Variants in RNF157 observed in about 807,000 individuals in gnomAD.
RNF157 encodes the protein E3 ubiquitin ligase RNF157.
Under a neutral mutation model 88.3 loss-of-function variants are expected in RNF157, and 55 were observed. The observed-to-expected ratio is 0.62, with a 90% CI of 0.50 to 0.78. RNF157 has a LOEUF of 0.78. Ranked by LOEUF, RNF157 falls within the 30% of genes least tolerant of loss-of-function variation. The pLI is 0.00. For missense variants in RNF157, 788 were observed against 860.8 expected (o/e 0.92, Z 1.06); for synonymous variants, 334 against 341.2 (o/e 0.98, Z 0.23).
chr17:76,163,682 T>G (rs9893558), intron 8 of RNF157: 45,938 of 152,048 alleles, frequency 0.3, 8,071 homozygotes, highest in African/African-American at 0.49. Flanking sequence ...CCACTCTCCG[T>G]TTTAACAGTC....
chr17:76,234,297 A>C (rs1337930919), intron 1 of RNF157, among the ~76,000 whole-genome samples: 1 of 152,220 alleles, frequency 6.6e-6, no homozygotes, highest in Non-Finnish European at 1.5e-5. Flanking sequence ...CGGTTGATGA[A>C]CATTTGGGTT....
At chr17:76,182,608 C>G (rs767524347) in intron 2 of RNF157, among the ~76,000 whole-genome samples, 3 of 151,322 alleles carry the variant, frequency 2.0e-5, no homozygotes, top group Non-Finnish European at 4.4e-5. Context: ...ACATCTTACT[C>G]TGTGTGTAAA....
chr17:76,156,369 A>G (rs2068764530), intron 13 of RNF157, 48 bp from the exon 14 acceptor site: 1 of 1,612,304 alleles, frequency 6.2e-7, no homozygotes, highest in African/African-American at 1.3e-5. Flanking sequence ...AGCGCCAGTC[A>G]CCTGTGCTGG....
At chr17:76,228,625 A>C (rs905838318) in intron 1 of RNF157, among the ~76,000 whole-genome samples, 9 of 152,174 alleles carry the variant, frequency 5.9e-5, no homozygotes, top group Non-Finnish European at 8.8e-5. Flanking sequence ...GCCATGTCTT[A>C]CTAACCAGTC....
Position 76,190,748 on chromosome 17 carries a change from A to C in RNF157, c.208-16958T>G, listed in dbSNP as rs372260610. Among the ~76,000 whole-genome samples, 360 of 152,052 alleles carry C rather than the reference A, an allele frequency of 2.4e-3. 3 individuals carry two copies. Among genetic ancestry groups the C allele is most frequent in the South Asian group, 3.7e-3 (18 of 4,810 alleles). ...CGATGAAACCCCGTCTCTACTAAAA[A>C]CACAAAAAATTAGCCGGGCATGGTG... is the stretch of plus-strand genomic sequence containing the variant. On this transcript the variant is annotated intron_variant, in intron 2 of 18. Coordinates refer to ENST00000269391, the MANE Select transcript of RNF157 (RefSeq NM_052916.3).
chr17:76,158,811 G>C (rs915903752), intron 12 of RNF157, among the ~76,000 whole-genome samples: 11 of 152,060 alleles, frequency 7.2e-5, no homozygotes, highest in Non-Finnish European at 1.3e-4. Context: ...ACCTCTTTTG[G>C]GTGTCAGAAG....
At chr17:76,151,620 C>T (rs997203855) in intron 18 of RNF157, among the ~76,000 whole-genome samples, 1 of 152,168 alleles carries the variant, frequency 6.6e-6, no homozygotes, top group South Asian at 2.1e-4. Flanking sequence ...GTTTTTGGAG[C>T]CCTTGAACGG....
chr17:76,188,062 G>A (rs1320636497), intron 2 of RNF157, among the ~76,000 whole-genome samples: 1 of 152,178 alleles, frequency 6.6e-6, no homozygotes, highest in East Asian at 1.9e-4. Context: ...CCCCCCAATA[G>A]CAGTGGGCAG....
chr17:76,228,507 G>A (rs2070133237), intron 1 of RNF157, among the ~76,000 whole-genome samples: 1 of 152,096 alleles, frequency 6.6e-6, no homozygotes, highest in Non-Finnish European at 1.5e-5. Flanking sequence ...CATCCTTCTT[G>A]TTTAACACTT....
At chr17:76,150,912 C>T (rs775264363) in intron 18 of RNF157, among the ~76,000 whole-genome samples, 22 of 152,300 alleles carry the variant, frequency 1.4e-4, no homozygotes, top group South Asian at 2.1e-4. Flanking sequence ...GGAGTGAACA[C>T]GAACTTTCAT....
At chr17:76,210,315 C>A (rs1021605331) in intron 2 of RNF157, among the ~76,000 whole-genome samples, 1 of 151,980 alleles carries the variant, frequency 6.6e-6, no homozygotes. Context: ...GAGAACCCGC[C>A]GGGCGCAGTG....
chr17:76,211,189 G>T (rs1460229918), intron 2 of RNF157, among the ~76,000 whole-genome samples: 1 of 152,172 alleles, frequency 6.6e-6, no homozygotes, highest in Non-Finnish European at 1.5e-5. Context: ...TATCCACAGC[G>T]CCTATCACAG....
intron 1 of RNF157, among the ~76,000 whole-genome samples, chr17:76,219,107 A>C (rs1598438742): frequency 1.3e-5 from 2 of 152,064 alleles, no homozygotes; most frequent in Non-Finnish European, 2.9e-5. Context: ...AGGAGAGGTG[A>C]GTGAAGAGGT....
In RNF157 at chr17:76,176,927, G is replaced by A. The variant is rs1327652064; in HGVS notation, c.208-3137C>T. Among the ~76,000 whole-genome samples, 1 of 152,154 alleles carries A rather than the reference G, an allele frequency of 6.6e-6. No homozygotes were observed. The highest frequency in any genetic ancestry group is 1.5e-5 in the Non-Finnish European group (1 of 67,984). On this transcript the variant is annotated intron_variant, in intron 2 of 18. Transcript: ENST00000269391. The surrounding 1 kb of genome is among the most constrained non-coding windows in gnomAD (Gnocchi z 4.2). ...CCTGCCGAGGGTGCCAGGTTCCTGT[G>A]CCTCGGGAGGAGGTTCTGCGCAGCC... is the stretch of plus-strand genomic sequence containing the variant.
In RNF157 at chr17:76,160,725, A is replaced by C. The variant is rs1019502586; in HGVS notation, c.1065+810T>G. On this transcript the variant is annotated intron_variant, in intron 11 of 18. Coordinates refer to ENST00000269391, the MANE Select transcript of RNF157 (RefSeq NM_052916.3). This position sits in a 1 kb window ranked among gnomAD's most constrained non-coding sequence, Gnocchi z 4.3. ...ACTTTTAATTTTGGTTACCTTTTAG[A>C]CCTCTGAAGTGCTAAACTTTTTAGG... Among the ~76,000 whole-genome samples the C allele has an allele frequency of 1.3e-5, 2 of 152,130 alleles. No homozygotes were observed. Among genetic ancestry groups the C allele is most frequent in the Non-Finnish European group, 1.5e-5 (1 of 68,024 alleles).
Position 76,146,792 on chromosome 17 carries a change from A to AT in RNF157, c.1922-1440dup. 1 of 985,412 alleles carries AT rather than the reference A, an allele frequency of 1.0e-6. No homozygotes were observed. The highest frequency in any genetic ancestry group is 1.2e-6 in the Non-Finnish European group (1 of 829,880). 61.0% of individuals were successfully genotyped at this position (985,412 alleles called of 1,614,324 possible). A position where few individuals can be genotyped will look rare whatever the true frequency, so the allele number is the denominator to read the frequency against. ...CAGAGCCCAGCACAACACCTGACCC[A>AT]TAGGAGGACCTGTTCAGCGGACAAG... On this transcript the variant is annotated intron_variant, in intron 18 of 18. Coordinates refer to ENST00000269391, the MANE Select transcript of RNF157 (RefSeq NM_052916.3). This position sits in a 1 kb window ranked among gnomAD's most constrained non-coding sequence, Gnocchi z 4.2.
intron 1 of RNF157, among the ~76,000 whole-genome samples, chr17:76,215,173 A>C (rs536469745): frequency 6.6e-6 from 1 of 152,230 alleles, no homozygotes; most frequent in South Asian, 2.1e-4. Flanking sequence ...GCAGGGTGTG[A>C]TGGATCTTGC....
intron 4 of RNF157, 104 bp from the exon 5 acceptor site, chr17:76,167,230 C>G: frequency 1.2e-6 from 1 of 852,588 alleles, no homozygotes; most frequent in Non-Finnish European, 1.9e-6. Context: ...CAGGGTCTAG[C>G]GAAGAGAAGA....
chr17:76,194,940 G>A (rs540813001), intron 2 of RNF157, among the ~76,000 whole-genome samples: 13 of 152,224 alleles, frequency 8.5e-5, no homozygotes, highest in East Asian at 3.9e-4. Flanking sequence ...GCGTGAACCC[G>A]GGAGGTGGAG....
Sources: gnomAD v4.1 joint callset for allele counts (sites outside exome capture counted in the v4.1 genomes callset) on GRCh38, gnomAD v4.1.1 for gene constraint, Gnocchi (gnomAD v3.1) non-coding constraint, MANE v1.5 for transcripts, NCBI Gene and HGNC (gene_info 2026-07-23, HGNC 2026-07-21) for gene names.